The following FHIT variants were observed in gnomAD, a reference collection of about 807,000 sequenced individuals.
The protein encoded by FHIT is bis(5'-adenosyl)-triphosphatase.
A neutral mutation model predicts 17.9 loss-of-function variants in FHIT; 19 were observed. The observed-to-expected ratio is 1.06, with a 90% CI of 0.74 to 1.56. The LOEUF is 1.56. FHIT is among the 40% of genes most tolerant of loss of function. FHIT has a pLI of 0.00. For synonymous variants in FHIT, 81 were observed against 69.7 expected (o/e 1.16, Z -0.81); for missense variants, 248 against 189.2 (o/e 1.31, Z -1.82).
intron 3 of FHIT, among the ~76,000 whole-genome samples, chr3:60,879,082 T>C (rs1704830519): frequency 6.6e-6 from 1 of 152,236 alleles, no homozygotes; most frequent in Non-Finnish European, 1.5e-5. Flanking sequence ...TCCACAATGG[T>C]TGAACTAGTT....
At chr3:60,384,140 T>A (rs1417513149) in intron 5 of FHIT, among the ~76,000 whole-genome samples, 3 of 151,880 alleles carry the variant, frequency 2.0e-5, no homozygotes, top group Non-Finnish European at 4.4e-5. Context: ...TGGTGCTGCG[T>A]GCCTATAATC....
rs577116391 is a variant in FHIT at position 60,020,970 on chromosome 3, C to A, written c.104-6818G>T. ...GAAGCATCTTGCTTTGTTTGGGCCA[C>A]ACCTTTTTTCAGTGGGGATTAACAT... On this transcript the variant is annotated intron_variant, in intron 5 of 9. Transcript: ENST00000492590. Among the ~76,000 whole-genome samples, 205 of 152,252 alleles carry A rather than the reference C, an allele frequency of 1.3e-3. 1 individual carries two copies. Among genetic ancestry groups the A allele is most frequent in the Non-Finnish European group, 2.2e-3 (149 of 68,016 alleles).
intron 8 of FHIT, among the ~76,000 whole-genome samples, chr3:59,776,968 C>A (rs548759944): frequency 6.6e-6 from 1 of 152,112 alleles, no homozygotes; most frequent in African/African-American, 2.4e-5. Context: ...CCTCCCACCA[C>A]ACATGGAATA....
At chr3:60,027,621 T>G (rs1700806813) in intron 5 of FHIT, among the ~76,000 whole-genome samples, 1 of 152,066 alleles carries the variant, frequency 6.6e-6, no homozygotes, top group Admixed American at 6.6e-5. Flanking sequence ...AGAGTTCAGA[T>G]TCCAACACCT....
intron 5 of FHIT, among the ~76,000 whole-genome samples, chr3:60,504,745 TA>T (rs1389013869): frequency 6.6e-6 from 1 of 152,196 alleles, no homozygotes; most frequent in Non-Finnish European, 1.5e-5. Flanking sequence ...GTGAGAAGGA[TA>T]AAATGTTTCC....
intron 5 of FHIT, among the ~76,000 whole-genome samples, chr3:60,368,055 C>T (rs1457641355): frequency 2.0e-5 from 3 of 152,096 alleles, no homozygotes; most frequent in South Asian, 2.1e-4. Flanking sequence ...GATGGACTAT[C>T]GGATTATTTC....
chr3:60,114,488 C>CT (rs145618938), intron 5 of FHIT, among the ~76,000 whole-genome samples: 4,605 of 59,304 alleles, frequency 0.078, 957 homozygotes, highest in South Asian at 0.11. Flanking sequence ...CAAGAGAAAT[C>CT]CTTTTTTTTT....
chr3:60,799,411 T>G (rs1391454246), intron 4 of FHIT, among the ~76,000 whole-genome samples: 1 of 152,168 alleles, frequency 6.6e-6, no homozygotes, highest in Non-Finnish European at 1.5e-5. Context: ...CGCCCTCAGG[T>G]AATCCACCTG....
At chr3:60,255,873 A>C (rs533343153) in intron 5 of FHIT, among the ~76,000 whole-genome samples, 1 of 152,098 alleles carries the variant, frequency 6.6e-6, no homozygotes, top group Non-Finnish European at 1.5e-5. Context: ...AAAACAAAAA[A>C]AAACAAACAA....
In FHIT at chr3:60,876,333, T is replaced by C. The variant is rs139093987; in HGVS notation, c.-110-54322A>G. Among the ~76,000 whole-genome samples the C allele has an allele frequency of 1.0e-3, 157 of 152,324 alleles. 1 individual carries two copies. The highest frequency in any genetic ancestry group is 3.7e-3 in the African/African-American group (154 of 41,578). On this transcript the variant is annotated intron_variant, in intron 3 of 9. Transcript: ENST00000492590. Reference sequence around the variant, plus strand: ...AGAATCTGACAGATTGCCCCTGCAATTAGAAGTACAATTGATTACTGACTT... The same window carrying C: ...AGAATCTGACAGATTGCCCCTGCAACTAGAAGTACAATTGATTACTGACTT...
At position 60,887,945 on chromosome 3, in the gene FHIT, T is replaced by C. The variant is rs900617122; in HGVS notation, c.-110-65934A>G. On this transcript the variant is annotated intron_variant, in intron 3 of 9. Transcript: ENST00000492590. ...ATGGAAAATAATGCGATATCTGAGC[T>C]AAAAGGACTCTTAGTGAACTCTGAT... 2.6e-5 allele frequency among the ~76,000 whole-genome samples: 4 copies of C among 152,194 alleles called. 1 individual carries two copies. Among genetic ancestry groups the C allele is most frequent in the Non-Finnish European group, 4.4e-5 (3 of 68,028 alleles).
chr3:60,001,350 T>C (rs745441773), intron 7 of FHIT, among the ~76,000 whole-genome samples: 4 of 152,220 alleles, frequency 2.6e-5, no homozygotes, highest in Non-Finnish European at 5.9e-5. Context: ...GGTGTTCATT[T>C]CAAAGTCTGT....
chr3:60,252,250 T>C (rs1215007130), intron 5 of FHIT, among the ~76,000 whole-genome samples: 5 of 152,064 alleles, frequency 3.3e-5, no homozygotes, highest in South Asian at 2.1e-4. Flanking sequence ...AGAAAAACAG[T>C]GCTTTATATT....
chr3:60,543,748 G>T (rs2107611330), intron 4 of FHIT, among the ~76,000 whole-genome samples: 1 of 151,534 alleles, frequency 6.6e-6, no homozygotes, highest in Admixed American at 6.6e-5. Flanking sequence ...TTTTGTTGTT[G>T]TTTTGTTTTG....
At chr3:59,879,915 C>T (rs1195447433) in intron 8 of FHIT, among the ~76,000 whole-genome samples, 1 of 105,212 alleles carries the variant, frequency 9.5e-6, no homozygotes, top group African/African-American at 7.1e-5. Flanking sequence ...CAATCATTTC[C>T]CCCACCCCCC....
At chr3:60,385,870 GC>G (rs1700988106) in intron 5 of FHIT, among the ~76,000 whole-genome samples, 1 of 152,106 alleles carries the variant, frequency 6.6e-6, no homozygotes, top group South Asian at 2.1e-4. Context: ...GAGCCACTGT[GC>G]CTGGTCCATA....
intron 4 of FHIT, among the ~76,000 whole-genome samples, chr3:60,578,721 G>A (rs116633582): frequency 0.011 from 1,645 of 152,136 alleles, 37 homozygotes; most frequent in African/African-American, 0.037. Flanking sequence ...GGGTATTGCT[G>A]ATCCTAATGT....
chr3:60,017,552 G>T (rs965618513), intron 5 of FHIT, among the ~76,000 whole-genome samples: 8 of 152,168 alleles, frequency 5.3e-5, no homozygotes, highest in African/African-American at 1.9e-4. Flanking sequence ...TTGCTTGTTG[G>T]ACAGTCTAAT....
Position 61,208,668 on chromosome 3 carries a change from G to T in FHIT, c.-212-8003C>A, listed in dbSNP as rs1363340522. ...CTTTTTTTTTGTTTTCCATTTGCTT[G>T]GTAGATCTTCCTCCATCCCTTTATT... On this transcript the variant is annotated intron_variant, in intron 1 of 9. Coordinates refer to ENST00000492590, the MANE Select transcript of FHIT (RefSeq NM_002012.4). 2.6e-5 allele frequency among the ~76,000 whole-genome samples: 4 copies of T among 151,592 alleles called. 1 individual carries two copies. Among genetic ancestry groups the T allele is most frequent in the African/African-American group, 9.7e-5 (4 of 41,292 alleles).
Sources: allele counts gnomAD v4.1 joint callset (sites outside exome capture counted in the v4.1 genomes callset), GRCh38; gene constraint gnomAD v4.1.1; transcripts MANE v1.5; gene names NCBI Gene and HGNC (gene_info 2026-07-23, HGNC 2026-07-21).